BABAM2: variants seen among roughly 807,000 people sequenced by gnomAD.
BABAM2 encodes BRISC and BRCA1-A complex member 2.
Under a neutral mutation model 54.7 loss-of-function variants are expected in BABAM2, and 31 were observed. The ratio of observed to expected loss-of-function variants is 0.57; its 90% CI spans 0.43 to 0.77. The LOEUF is 0.77. BABAM2 is among the 30% of genes least tolerant of loss of function. The probability of loss-of-function intolerance (pLI) is 0.00; values close to 1 mark genes in which losing one functional copy is unlikely to be tolerated. For synonymous variants in BABAM2, 167 were observed against 162.9 expected, an observed-to-expected ratio of 1.03 and a Z score of -0.19; for missense variants, 364 against 455.8, an observed-to-expected ratio of 0.80 and a Z score of 1.83.
chr2:28,090,596 C>T (rs183028563), intron 6 of BABAM2, among the ~76,000 whole-genome samples: 242 of 152,210 alleles, frequency 1.6e-3, no homozygotes, highest in African/African-American at 5.6e-3. Flanking sequence ...TAGCACCTAT[C>T]GGAATCTTTA....
chr2:27,987,902 AATTTC>A, intron 3 of BABAM2, 86 bp from the exon 4 acceptor site: 2 of 1,131,524 alleles, frequency 1.8e-6, no homozygotes, highest in Non-Finnish European at 2.6e-6. Context: ...AACTAATGTA[AATTTC>A]TTTTAGAAGT....
chr2:27,953,479 A>G (rs1669885257), intron 3 of BABAM2, among the ~76,000 whole-genome samples: 1 of 151,856 alleles, frequency 6.6e-6, no homozygotes, highest in Non-Finnish European at 1.5e-5. Flanking sequence ...CACCGTAGTG[A>G]CAGAGTCTCT....
intron 6 of BABAM2, among the ~76,000 whole-genome samples, chr2:28,072,737 G>A (rs910070670): frequency 6.6e-6 from 1 of 152,196 alleles, no homozygotes; most frequent in Admixed American, 6.5e-5. Flanking sequence ...TAGGCTCTTG[G>A]TATGCTCATT....
At chr2:28,224,805 G>C (rs1680726879) in intron 7 of BABAM2, among the ~76,000 whole-genome samples, 1 of 148,606 alleles carries the variant, frequency 6.7e-6, no homozygotes, top group African/African-American at 2.5e-5. Context: ...TAGCACGATA[G>C]GGAGGATTTG....
chr2:28,099,541 T>G (rs912535440), intron 6 of BABAM2, among the ~76,000 whole-genome samples: 1 of 152,270 alleles, frequency 6.6e-6, no homozygotes, highest in Non-Finnish European at 1.5e-5. Context: ...AACAAAACTC[T>G]GCTTGTTCAT....
chr2:28,192,517 C>CTTT (rs58587872), intron 7 of BABAM2, among the ~76,000 whole-genome samples: 46 of 120,582 alleles, frequency 3.8e-4, no homozygotes, highest in East Asian at 2.0e-3. Flanking sequence ...GTTTATAGCT[C>CTTT]TTTTTTTTTT....
At chr2:28,251,779 A>G (rs1683511855) in intron 10 of BABAM2, among the ~76,000 whole-genome samples, 1 of 152,216 alleles carries the variant, frequency 6.6e-6, no homozygotes, top group Non-Finnish European at 1.5e-5. Context: ...CCACAATGCT[A>G]TGTGTTAGAA....
intron 2 of BABAM2, among the ~76,000 whole-genome samples, chr2:27,922,305 A>G (rs1259194470): frequency 6.6e-6 from 1 of 152,336 alleles, no homozygotes; most frequent in East Asian, 1.9e-4. Context: ...TGACACTAGA[A>G]TCTTATGATC....
At chr2:28,187,651 A>G (rs1165300630) in intron 7 of BABAM2, among the ~76,000 whole-genome samples, 3 of 149,072 alleles carry the variant, frequency 2.0e-5, no homozygotes, top group African/African-American at 2.5e-5. Context: ...CTCCTAAAAC[A>G]GAACTTTGGA....
chr2:28,237,227 C>T lies in BABAM2; in HGVS notation c.706C>T (p.His236Tyr). 1 of 1,613,882 alleles carries T rather than the reference C, an allele frequency of 6.2e-7. No homozygotes were observed. Among genetic ancestry groups the T allele is most frequent in the East Asian group, 2.2e-5 (1 of 44,864 alleles). ...TGCACTTGGAGGCTCCTCAGCTCTTCATATCCCAGCTTTTCCAGGAGGAGG... is the reference window on the plus strand; with the variant it reads ...TGCACTTGGAGGCTCCTCAGCTCTTTATATCCCAGCTTTTCCAGGAGGAGG... ...EHALGGSSAL[H>Y]IPAFPGGGCL... The change falls in exon 8 of 12, where the codon CAT (histidine) becomes TAT (tyrosine). Residue 236 changes from histidine (H) to tyrosine (Y), a missense_variant. By Grantham distance (83) the His-to-Tyr change is moderately conservative. Transcript: ENST00000379624.
intron 2 of BABAM2, among the ~76,000 whole-genome samples, chr2:27,917,284 G>A (rs556886685): frequency 7.9e-5 from 12 of 152,192 alleles, no homozygotes; most frequent in African/African-American, 2.9e-4. Flanking sequence ...CCAAAATGGT[G>A]GAATTATAGG....
chr2:28,129,516 T>G lies in BABAM2; in HGVS notation c.680+136T>G, dbSNP rs919617869. 5.0e-6 allele frequency: 4 copies of G among 799,292 alleles called. No homozygotes were observed. The African/African-American group carries it at 6.9e-5, about 14-fold the overall frequency. 49.5% of individuals were successfully genotyped at this position (799,292 alleles called of 1,614,324 possible). ...TTGTTTTCTTAAAAAATTCATCATA[T>G]TAAGAGTTTCCATTGCAGAGTAAAT... On this transcript the variant is annotated intron_variant, in intron 7 of 11. Coordinates refer to ENST00000379624, the MANE Select transcript of BABAM2 (RefSeq NM_199191.3).
chr2:28,192,028 T>C (rs575846813), intron 7 of BABAM2, among the ~76,000 whole-genome samples: 1 of 152,120 alleles, frequency 6.6e-6, no homozygotes, highest in South Asian at 2.1e-4. Flanking sequence ...CAGGAGATTG[T>C]TTTTTGGTTT....
At chr2:28,122,590 A>G (rs1046780170) in intron 6 of BABAM2, among the ~76,000 whole-genome samples, 1 of 152,154 alleles carries the variant, frequency 6.6e-6, no homozygotes, top group Non-Finnish European at 1.5e-5. Context: ...TGTGATTTGC[A>G]GTATTTCTTG....
chr2:28,313,886 G>A (rs78286098), intron 11 of BABAM2, among the ~76,000 whole-genome samples: 6,289 of 152,238 alleles, frequency 0.041, 164 homozygotes, highest in East Asian at 0.053. Flanking sequence ...GCTGTCCACG[G>A]CATTAACTAC....
At chr2:28,244,065 C>T (rs903301537) in intron 9 of BABAM2, among the ~76,000 whole-genome samples, 2 of 152,146 alleles carry the variant, frequency 1.3e-5, no homozygotes, top group Admixed American at 1.3e-4. Context: ...TACAGAATTG[C>T]GCCTTGGCCC....
At position 28,242,870 on chromosome 2, in the gene BABAM2, A is replaced by G. The variant is rs762939469; in HGVS notation, c.851+1477A>G. Among the ~76,000 whole-genome samples, 202 of 152,160 alleles carry G rather than the reference A, an allele frequency of 1.3e-3. 1 individual carries two copies. Among genetic ancestry groups the G allele is most frequent in the Non-Finnish European group, 5.7e-4 (39 of 68,038 alleles). On this transcript the variant is annotated intron_variant, in intron 9 of 11. Transcript: ENST00000379624. ...CTTAAGATTTTTTTCAGCTTTGTGA[A>G]CATTTTGAGAAAGTACTTTTGATAC...
intron 3 of BABAM2, among the ~76,000 whole-genome samples, chr2:27,963,645 G>C (rs1670637635): frequency 6.6e-6 from 1 of 152,072 alleles, no homozygotes; most frequent in Non-Finnish European, 1.5e-5. Flanking sequence ...TGGTAGATCA[G>C]CTGACATAGC....
chr2:28,065,338 G>A (rs1679225088), intron 6 of BABAM2, among the ~76,000 whole-genome samples: 1 of 152,140 alleles, frequency 6.6e-6, no homozygotes, highest in Non-Finnish European at 1.5e-5. Flanking sequence ...CGGTCAGACT[G>A]CTCTGGCTTC....
Sources: gnomAD v4.1 joint callset for allele counts (sites outside exome capture counted in the v4.1 genomes callset) on GRCh38, gnomAD v4.1.1 for gene constraint, MANE v1.5 for transcripts, NCBI Gene and HGNC (gene_info 2026-07-23, HGNC 2026-07-21) for gene names.